Variants in LSAMP observed in about 807,000 individuals in gnomAD.
The protein encoded by LSAMP is limbic system associated membrane protein.
Under a neutral mutation model 38.6 loss-of-function variants are expected in LSAMP, and 7 were observed. The observed-to-expected ratio is 0.18, with a 90% CI of 0.10 to 0.34. The LOEUF (loss-of-function observed/expected upper bound fraction) is 0.34, where lower values mean the gene tolerates loss of function less well. Ranked by LOEUF, LSAMP falls within the 10% of genes least tolerant of loss-of-function variation. LSAMP has a pLI of 1.00. For synonymous variants in LSAMP, 154 were observed against 166.8 expected, an observed-to-expected ratio of 0.92 and a Z score of 0.59; for missense variants, 313 against 420.0, an observed-to-expected ratio of 0.75 and a Z score of 2.23.
chr3:115,895,529 G>T (rs1322495881), intron 3 of LSAMP, among the ~76,000 whole-genome samples: 1 of 151,848 alleles, frequency 6.6e-6, no homozygotes, highest in Admixed American at 6.6e-5. Flanking sequence ...TTGAATTTCA[G>T]GTAAAAACAA....
At chr3:116,005,684 C>T (rs540533750) in intron 3 of LSAMP, among the ~76,000 whole-genome samples, 52 of 152,312 alleles carry the variant, frequency 3.4e-4, no homozygotes, top group African/African-American at 1.3e-3. Flanking sequence ...AGTAACATAA[C>T]TGCCAATGGT....
At chr3:116,255,892 GGTTT>G (rs1350561781) in intron 1 of LSAMP, among the ~76,000 whole-genome samples, 9 of 152,128 alleles carry the variant, frequency 5.9e-5, no homozygotes, top group African/African-American at 1.4e-4. Context: ...ACTGCTGAGA[GGTTT>G]GTTTATTTAT....
chr3:116,220,437 G>T (rs1423327063), intron 1 of LSAMP, among the ~76,000 whole-genome samples: 1 of 151,320 alleles, frequency 6.6e-6, no homozygotes, highest in Admixed American at 6.6e-5. Flanking sequence ...AGGAAGAGTG[G>T]CACTTGGCTG....
intron 1 of LSAMP, among the ~76,000 whole-genome samples, chr3:116,199,186 A>G (rs2045954713): frequency 6.6e-6 from 1 of 151,998 alleles, no homozygotes; most frequent in Admixed American, 6.6e-5. Flanking sequence ...TTAGGATAAA[A>G]GCTATAAGGA....
At chr3:116,422,708 T>C (rs1316151656) in intron 1 of LSAMP, among the ~76,000 whole-genome samples, 3 of 152,202 alleles carry the variant, frequency 2.0e-5, no homozygotes, top group Non-Finnish European at 4.4e-5. Flanking sequence ...TGAATTGAAA[T>C]GAATATTTTA....
intron 1 of LSAMP, among the ~76,000 whole-genome samples, chr3:116,359,369 T>C (rs1472812232): frequency 2.0e-5 from 3 of 152,164 alleles, no homozygotes; most frequent in Non-Finnish European, 4.4e-5. Context: ...AAAAAATGCA[T>C]AGGCTTGGCC....
intron 2 of LSAMP, among the ~76,000 whole-genome samples, chr3:116,052,908 A>G (rs928460655): frequency 6.6e-6 from 1 of 152,202 alleles, no homozygotes; most frequent in Non-Finnish European, 1.5e-5. Flanking sequence ...ACTTGGTTTC[A>G]TTAAATGGTG....
At chr3:116,183,924 TC>T (rs1710548819) in intron 1 of LSAMP, among the ~76,000 whole-genome samples, 1 of 151,808 alleles carries the variant, frequency 6.6e-6, no homozygotes, top group Non-Finnish European at 1.5e-5. Flanking sequence ...GTTGATTGAT[TC>T]CTAATGATGG....
At chr3:116,316,754 G>C (rs2107723994) in intron 1 of LSAMP, among the ~76,000 whole-genome samples, 1 of 145,938 alleles carries the variant, frequency 6.9e-6, no homozygotes, top group South Asian at 2.2e-4. Context: ...CTGGGTGAGA[G>C]GGCAAGACTC....
chr3:116,443,962 T>G (rs1000213123), intron 1 of LSAMP, among the ~76,000 whole-genome samples: 2 of 152,066 alleles, frequency 1.3e-5, no homozygotes, highest in African/African-American at 4.8e-5. Flanking sequence ...CTCATTTGAG[T>G]CTCTCTAGCT....
intron 6 of LSAMP, among the ~76,000 whole-genome samples, chr3:115,812,823 A>G (rs554733852): frequency 1.3e-5 from 2 of 152,308 alleles, no homozygotes; most frequent in East Asian, 3.9e-4. Context: ...TATCTTGTAG[A>G]CATCCTGGAG....
intron 1 of LSAMP, among the ~76,000 whole-genome samples, chr3:116,182,838 AG>A (rs1317907130): frequency 6.6e-6 from 1 of 151,782 alleles, no homozygotes; most frequent in African/African-American, 2.4e-5. Flanking sequence ...TTTATTTTAT[AG>A]TAACCTTTGT....
At chr3:116,058,986 G>T (rs777762413) in intron 2 of LSAMP, among the ~76,000 whole-genome samples, 9 of 151,238 alleles carry the variant, frequency 6.0e-5, no homozygotes, top group Admixed American at 2.0e-4. Context: ...TGCTTATGCT[G>T]TGCTAGACAT....
chr3:115,966,452 C>T (rs950032924), intron 3 of LSAMP, among the ~76,000 whole-genome samples: 1 of 152,084 alleles, frequency 6.6e-6, no homozygotes, highest in African/African-American at 2.4e-5. Context: ...CCAATATAAC[C>T]ACATTAGAAA....
At chr3:115,985,436 AAAG>A (rs1198746425) in intron 3 of LSAMP, among the ~76,000 whole-genome samples, 1 of 152,164 alleles carries the variant, frequency 6.6e-6, no homozygotes, top group Non-Finnish European at 1.5e-5. Flanking sequence ...AGCAGATTGA[AAAG>A]AAGTTCAAAA....
intron 1 of LSAMP, among the ~76,000 whole-genome samples, chr3:116,275,524 T>A (rs115824702): frequency 0.054 from 7,485 of 138,024 alleles, 611 homozygotes; most frequent in African/African-American, 0.17. Context: ...AATTAATTAT[T>A]AAGCATGACA....
In LSAMP at chr3:116,095,813, T is replaced by A. The variant is rs546298511; in HGVS notation, c.156-9257A>T. ...ATAAATCATTCTCTTCTTAATCACATCTCAACTCAAAATTCTTCCTTATTT... is the reference window on the plus strand; with the variant it reads ...ATAAATCATTCTCTTCTTAATCACAACTCAACTCAAAATTCTTCCTTATTT... On this transcript the variant is annotated intron_variant, in intron 1 of 6. Transcript: ENST00000490035. Among the ~76,000 whole-genome samples, 60 of 152,288 alleles carry A rather than the reference T, an allele frequency of 3.9e-4. No individual in the cohort carries two copies. In the South Asian group the frequency reaches 3.9e-3, roughly 10 times the overall value.
chr3:116,248,477 ATGTGTGTGTGTGTGTGTGTGTG>A (rs3028670), intron 1 of LSAMP, among the ~76,000 whole-genome samples: 37 of 141,070 alleles, frequency 2.6e-4, no homozygotes, highest in African/African-American at 7.8e-4. Context: ...CCTGTCTCTA[ATGTGTGTGTGTGTGTGTGTGTG>A]TGTGTGTGTG....
At chr3:116,166,714 T>G (rs1710058344) in intron 1 of LSAMP, among the ~76,000 whole-genome samples, 1 of 152,280 alleles carries the variant, frequency 6.6e-6, no homozygotes, top group South Asian at 2.1e-4. Context: ...TGCAGAATTT[T>G]ATGACCTGAT....
Sources: gnomAD v4.1 joint callset for allele counts (sites outside exome capture counted in the v4.1 genomes callset) on GRCh38, gnomAD v4.1.1 for gene constraint, MANE v1.5 for transcripts, NCBI Gene and HGNC (gene_info 2026-07-23, HGNC 2026-07-21) for gene names.